Variants in LARGE1 observed in about 807,000 individuals in gnomAD.
LARGE1 encodes LARGE xylosyl- and glucuronyltransferase 1, also known as xylosyl- and glucuronyltransferase LARGE1.
In LARGE1, 43 loss-of-function variants were observed where a neutral mutation model predicts 87.6. The ratio of observed to expected loss-of-function variants is 0.49; its 90% CI spans 0.38 to 0.63. The LOEUF is 0.63. Ranked by LOEUF, LARGE1 falls within the 30% of genes least tolerant of loss-of-function variation. The pLI is 0.00. For missense variants in LARGE1, 802 were observed against 1,000.2 expected (o/e 0.80, Z 2.67); for synonymous variants, 434 against 394.6 (o/e 1.10, Z -1.18).
intron 3 of LARGE1, among the ~76,000 whole-genome samples, chr22:33,647,579 T>G (rs2080658395): frequency 6.6e-6 from 1 of 152,192 alleles, no homozygotes; most frequent in Admixed American, 6.5e-5. Context: ...CCTACACTGA[T>G]GGCCTCCAGA....
chr22:33,792,716 T>C (rs2085862036), intron 1 of LARGE1, among the ~76,000 whole-genome samples: 1 of 152,206 alleles, frequency 6.6e-6, no homozygotes, highest in East Asian at 1.9e-4. Context: ...ACACAAGTTT[T>C]GAAACTCTTC....
upstream of LARGE1, among the ~76,000 whole-genome samples, chr22:33,921,012 G>A (rs952482108): frequency 6.7e-6 from 1 of 150,208 alleles, no homozygotes; most frequent in Admixed American, 6.6e-5. This position sits in a 1 kb window ranked among gnomAD's most constrained non-coding sequence, Gnocchi z 4.1. Context: ...CAGTGACTGT[G>A]TGTCTGTGTC....
At chr22:33,184,838 A>G (rs2146176147) in intron 11 of LARGE1, among the ~76,000 whole-genome samples, 1 of 152,306 alleles carries the variant, frequency 6.6e-6, no homozygotes, top group Admixed American at 6.5e-5. Context: ...AAGGAAGTGT[A>G]AGTTAAAACA....
chr22:33,440,343 T>C (rs2067421062), intron 6 of LARGE1, among the ~76,000 whole-genome samples: 1 of 152,224 alleles, frequency 6.6e-6, no homozygotes, highest in South Asian at 2.1e-4. Context: ...CAGGTGGCTC[T>C]AGCTGTGATC....
At chr22:33,122,013 A>G in the LARGE1 span, among the ~76,000 whole-genome samples, 1 of 152,142 alleles carries the variant, frequency 6.6e-6, no homozygotes, top group African/African-American at 2.4e-5. Flanking sequence ...GAATTATGGG[A>G]GCTACAATTC....
chr22:33,269,426 T>C (rs1057258654), downstream of LARGE1, among the ~76,000 whole-genome samples: 1 of 152,214 alleles, frequency 6.6e-6, no homozygotes, highest in African/African-American at 2.4e-5. Flanking sequence ...CACTGTTGCA[T>C]TCATAATGTC....
At chr22:33,751,820 T>C (rs1379976383) in intron 2 of LARGE1, among the ~76,000 whole-genome samples, 1 of 151,748 alleles carries the variant, frequency 6.6e-6, no homozygotes, top group African/African-American at 2.4e-5. Context: ...CAGTCTGGAG[T>C]GCAGTGGCAT....
rs145320456 is a variant in LARGE1 at position 33,296,082 on chromosome 22, C to T, written c.1730+8147G>A. ...ACCATCTCAGGTAATGCTCAACATT[C>T]CTGTTTAATTACCCCACTGTCCTGA... On this transcript the variant is annotated intron_variant, in intron 12 of 14. Transcript: ENST00000397394. Among the ~76,000 whole-genome samples, 368 of 152,354 alleles carry T rather than the reference C, an allele frequency of 2.4e-3. 3 individuals are homozygous for T. The highest frequency in any genetic ancestry group is 8.4e-3 in the African/African-American group (350 of 41,576).
In LARGE1 at chr22:33,815,755, G is replaced by A. The variant is rs62227779; in HGVS notation, c.-82-54197C>T. On this transcript the variant is annotated intron_variant, in intron 1 of 14. Coordinates refer to ENST00000397394, the MANE Select transcript of LARGE1 (RefSeq NM_133642.5). ...ACTCTGTCTTTCTGTGAACCACACC[G>A]GAAGGCATGTATGTATTCACATCCA... Among the ~76,000 whole-genome samples, 638 of 152,258 alleles carry A rather than the reference G, an allele frequency of 4.2e-3. 4 individuals carry two copies. Among genetic ancestry groups the A allele is most frequent in the Non-Finnish European group, 6.9e-3 (469 of 68,018 alleles).
intron 11 of LARGE1, among the ~76,000 whole-genome samples, chr22:33,179,877 G>A (rs768521451): frequency 2.0e-5 from 3 of 151,692 alleles, no homozygotes; most frequent in East Asian, 1.9e-4. Flanking sequence ...GTGTTGAAAC[G>A]TAATGGCTAC....
intron 11 of LARGE1, among the ~76,000 whole-genome samples, chr22:33,212,572 G>A (rs1447433285): frequency 6.6e-6 from 1 of 152,206 alleles, no homozygotes; most frequent in Non-Finnish European, 1.5e-5. Context: ...TGCAGCCCAT[G>A]AATCAAGAAG....
chr22:33,776,577 G>C (rs1042580944), intron 1 of LARGE1, among the ~76,000 whole-genome samples: 1 of 152,130 alleles, frequency 6.6e-6, no homozygotes, highest in Non-Finnish European at 1.5e-5. Flanking sequence ...GCCCTGCCTT[G>C]GAGTATTTCG....
At chr22:33,531,816 A>C (rs887864358) in intron 6 of LARGE1, among the ~76,000 whole-genome samples, 1 of 152,254 alleles carries the variant, frequency 6.6e-6, no homozygotes, top group Non-Finnish European at 1.5e-5. Context: ...AACTCAAAGA[A>C]GGGAGAGGAA....
chr22:33,316,311 G>T, intron 10 of LARGE1, 63 bp from the exon 11 acceptor site: 1 of 1,532,390 alleles, frequency 6.5e-7, no homozygotes. Context: ...CCATGAGCTT[G>T]CCCCTTGAGC....
At chr22:33,532,162 A>G (rs1032019316) in intron 6 of LARGE1, among the ~76,000 whole-genome samples, 1 of 152,260 alleles carries the variant, frequency 6.6e-6, no homozygotes, top group Non-Finnish European at 1.5e-5. Context: ...CATTCCCACC[A>G]CTTGCTAACT....
intron 11 of LARGE1, among the ~76,000 whole-genome samples, chr22:33,194,467 T>G (rs1923960815): frequency 6.6e-6 from 1 of 152,218 alleles, no homozygotes; most frequent in Non-Finnish European, 1.5e-5. Flanking sequence ...TTTCAAGGTT[T>G]AGAGATGGAG....
chr22:33,532,786 A>G (rs2076936044), intron 6 of LARGE1, among the ~76,000 whole-genome samples: 1 of 152,200 alleles, frequency 6.6e-6, no homozygotes, highest in South Asian at 2.1e-4. Flanking sequence ...TACATACACC[A>G]AGAATGTGTT....
intron 6 of LARGE1, among the ~76,000 whole-genome samples, chr22:33,516,616 G>A (rs1378178890): frequency 6.6e-6 from 1 of 151,836 alleles, no homozygotes; most frequent in Non-Finnish European, 1.5e-5. Context: ...TTTTGAGACA[G>A]TCTCCTTCTG....
intron 8 of LARGE1, among the ~76,000 whole-genome samples, chr22:33,382,632 G>T (rs1407147761): frequency 6.6e-6 from 1 of 152,040 alleles, no homozygotes; most frequent in Non-Finnish European, 1.5e-5. Context: ...TACCTTTTTT[G>T]GGCTCTTCTC....
Sources: allele counts gnomAD v4.1 joint callset (sites outside exome capture counted in the v4.1 genomes callset), GRCh38; gene constraint gnomAD v4.1.1; non-coding constraint Gnocchi (gnomAD v3.1); transcripts MANE v1.5; gene names NCBI Gene and HGNC (gene_info 2026-07-23, HGNC 2026-07-21).